Variants in GNAQ observed in about 807,000 individuals in gnomAD.
The protein encoded by GNAQ is guanine nucleotide-binding protein G(q) subunit alpha.
In GNAQ, 8 loss-of-function variants were observed where a neutral mutation model predicts 43.9. The observed-to-expected ratio is 0.18, with a 90% CI of 0.11 to 0.33. GNAQ has a LOEUF of 0.33. GNAQ is among the 10% of genes least tolerant of loss of function. The pLI is 1.00. For synonymous variants in GNAQ, 155 were observed against 170.7 expected, an observed-to-expected ratio of 0.91 and a Z score of 0.71; for missense variants, 158 against 450.8, an observed-to-expected ratio of 0.35 and a Z score of 5.88.
intron 1 of GNAQ, among the ~76,000 whole-genome samples, chr9:77,988,109 T>A (rs1000448280): frequency 6.6e-6 from 1 of 152,012 alleles, no homozygotes; most frequent in Non-Finnish European, 1.5e-5. Flanking sequence ...GGAACAGCAA[T>A]GAGGACAGAG....
At chr9:77,815,837 T>A in intron 2 of GNAQ, 67 bp from the exon 3 acceptor site, 1 of 965,088 alleles carries the variant, frequency 1.0e-6, no homozygotes, top group Non-Finnish European at 1.6e-6. Flanking sequence ...CTTTGCATAT[T>A]ACATTATATA....
chr9:77,861,982 G>A (rs377612161), intron 2 of GNAQ, among the ~76,000 whole-genome samples: 1 of 150,104 alleles, frequency 6.7e-6, no homozygotes, highest in African/African-American at 2.5e-5. Flanking sequence ...TCCAGCCTGG[G>A]GGACAGAGCA....
chr9:77,739,990 C>T (rs929436184), intron 5 of GNAQ, among the ~76,000 whole-genome samples: 2 of 152,208 alleles, frequency 1.3e-5, no homozygotes, highest in African/African-American at 4.8e-5. Flanking sequence ...CACATCAGCG[C>T]ATCAGACAGA....
chr9:77,877,213 G>C (rs1208043265), intron 2 of GNAQ, among the ~76,000 whole-genome samples: 1 of 152,044 alleles, frequency 6.6e-6, no homozygotes, highest in East Asian at 1.9e-4. Flanking sequence ...AACTCTCCCC[G>C]AAGAATATTC....
At chr9:78,011,391 C>G (rs1823770863) in intron 1 of GNAQ, among the ~76,000 whole-genome samples, 1 of 152,118 alleles carries the variant, frequency 6.6e-6, no homozygotes, top group African/African-American at 2.4e-5. Flanking sequence ...AAATTTGGAA[C>G]ATTCCTAAGC....
intron 1 of GNAQ, among the ~76,000 whole-genome samples, chr9:78,012,062 A>T (rs1177380707): frequency 6.6e-6 from 1 of 152,168 alleles, no homozygotes; most frequent in African/African-American, 2.4e-5. Flanking sequence ...TAAAAAAGCA[A>T]ATCACAAAGA....
At chr9:77,741,233 G>A (rs1825649710) in intron 5 of GNAQ, among the ~76,000 whole-genome samples, 2 of 152,172 alleles carry the variant, frequency 1.3e-5, no homozygotes, top group Non-Finnish European at 2.9e-5. Context: ...AAAGGAAGTT[G>A]AGTAACACAT....
At chr9:77,876,064 T>TA (rs1828119398) in intron 2 of GNAQ, among the ~76,000 whole-genome samples, 1 of 152,184 alleles carries the variant, frequency 6.6e-6, no homozygotes, top group Admixed American at 6.5e-5. Flanking sequence ...TGGCTTTAAA[T>TA]AAAAAACAAA....
At chr9:77,762,617 A>C (rs1196423230) in intron 5 of GNAQ, among the ~76,000 whole-genome samples, 3 of 150,862 alleles carry the variant, frequency 2.0e-5, no homozygotes, top group Non-Finnish European at 4.4e-5. Flanking sequence ...CCCATTGAGA[A>C]CGGGCCATGA....
At chr9:78,008,569 TATTTC>T (rs201289708) in intron 1 of GNAQ, among the ~76,000 whole-genome samples, 19,979 of 146,866 alleles carry the variant, frequency 0.14, 1,406 homozygotes, top group African/African-American at 0.16. Flanking sequence ...ACTATCGATT[TATTTC>T]ATTTCATTTC....
At chr9:77,777,386 CA>C (rs1459817474) in intron 5 of GNAQ, among the ~76,000 whole-genome samples, 1 of 151,876 alleles carries the variant, frequency 6.6e-6, no homozygotes, top group African/African-American at 2.4e-5. Context: ...CTGAAACTAC[CA>C]AAACTATTGG....
At chr9:78,026,576 AGGTTACT>A (rs1823983009) in intron 1 of GNAQ, among the ~76,000 whole-genome samples, 1 of 152,148 alleles carries the variant, frequency 6.6e-6, no homozygotes, top group Non-Finnish European at 1.5e-5. Flanking sequence ...GCTGTTATTG[AGGTTACT>A]TAGACCAAGG....
intron 2 of GNAQ, among the ~76,000 whole-genome samples, chr9:77,841,684 A>G (rs1827493547): frequency 6.6e-6 from 1 of 152,200 alleles, no homozygotes; most frequent in Non-Finnish European, 1.5e-5. Context: ...GAGTAAGTGA[A>G]ACAAATAATA....
chr9:77,945,444 C>T (rs962217284), intron 1 of GNAQ, among the ~76,000 whole-genome samples: 5 of 152,136 alleles, frequency 3.3e-5, no homozygotes, highest in Non-Finnish European at 7.4e-5. Flanking sequence ...TGATTACATG[C>T]AAAACCTAGG....
intron 2 of GNAQ, among the ~76,000 whole-genome samples, chr9:77,870,828 A>AG (rs879714302): frequency 6.6e-6 from 1 of 152,176 alleles, no homozygotes; most frequent in Non-Finnish European, 1.5e-5. Context: ...TAAAAAAAAA[A>AG]CCTCAAAAAC....
At chr9:78,025,158 T>C (rs950471403) in intron 1 of GNAQ, among the ~76,000 whole-genome samples, 1 of 151,866 alleles carries the variant, frequency 6.6e-6, no homozygotes, top group Admixed American at 6.5e-5. Flanking sequence ...TTTTACTACA[T>C]GTTAGATGAG....
intron 5 of GNAQ, among the ~76,000 whole-genome samples, chr9:77,786,170 G>A: frequency 6.6e-6 from 1 of 152,030 alleles, no homozygotes; most frequent in East Asian, 1.9e-4. Flanking sequence ...GAGGTCATGA[G>A]ATCGAGACCA....
chr9:77,744,056 AC>A (rs1367782387), intron 5 of GNAQ, among the ~76,000 whole-genome samples: 4 of 152,214 alleles, frequency 2.6e-5, no homozygotes, highest in Non-Finnish European at 4.4e-5. Flanking sequence ...TTTTGAATGC[AC>A]CCCATGGTGA....
At chr9:77,978,231 G>C (rs1564168637) in intron 1 of GNAQ, among the ~76,000 whole-genome samples, 2 of 152,126 alleles carry the variant, frequency 1.3e-5, no homozygotes, top group Admixed American at 6.6e-5. Flanking sequence ...ACTTCAGACA[G>C]AATCTACTGA....
Sources: allele counts gnomAD v4.1 joint callset (sites outside exome capture counted in the v4.1 genomes callset), GRCh38; gene constraint gnomAD v4.1.1; transcripts MANE v1.5; gene names NCBI Gene and HGNC (gene_info 2026-07-23, HGNC 2026-07-21).